WWP2: variants seen among roughly 807,000 people sequenced by gnomAD.
WWP2 encodes the protein NEDD4-like E3 ubiquitin-protein ligase WWP2.
Under a neutral mutation model 121.0 loss-of-function variants are expected in WWP2, and 57 were observed. That is an observed-to-expected ratio of 0.47 (90% confidence interval 0.38 to 0.59). WWP2 has a LOEUF of 0.59. WWP2 is among the 20% of genes least tolerant of loss of function. The pLI, the probability that WWP2 is intolerant of heterozygous loss-of-function variation, is 0.00. For synonymous variants in WWP2, 449 were observed against 441.3 expected (o/e 1.02, Z -0.22); for missense variants, 962 against 1,158.9 (o/e 0.83, Z 2.47).
rs928632369 is a variant in WWP2 at position 69,847,342 on chromosome 16, C to T, written c.575+5222C>T. 1.5e-4 allele frequency among the ~76,000 whole-genome samples: 23 copies of T among 152,080 alleles called. 1 individual carries two copies. The highest frequency in any genetic ancestry group is 5.5e-4 in the African/African-American group (23 of 41,502). Reference sequence around the variant, plus strand: ...TCAGGCGATCCACGCACCTTGGCCTCCCAAAGTGCTGGGATTACAGGCATG... The same window carrying T: ...TCAGGCGATCCACGCACCTTGGCCTTCCAAAGTGCTGGGATTACAGGCATG... On this transcript the variant is annotated intron_variant, in intron 6 of 23. Transcript: ENST00000359154.
intron 1 of WWP2, among the ~76,000 whole-genome samples, chr16:69,785,432 T>G (rs2055765164): frequency 6.6e-6 from 1 of 152,174 alleles, no homozygotes; most frequent in African/African-American, 2.4e-5. Flanking sequence ...CAAATGTGAT[T>G]TTTGGATATT....
At chr16:69,915,755 C>T (rs918481480) in intron 9 of WWP2, among the ~76,000 whole-genome samples, 1 of 151,970 alleles carries the variant, frequency 6.6e-6, no homozygotes, top group African/African-American at 2.4e-5. Context: ...GACTTCGGGC[C>T]GGGTGCAGGG....
chr16:69,770,952 G>C (rs1196423530), intron 1 of WWP2, among the ~76,000 whole-genome samples: 2 of 149,348 alleles, frequency 1.3e-5, no homozygotes, highest in African/African-American at 5.0e-5. Flanking sequence ...GGGCAGCATA[G>C]TGAAATCCTG....
intron 8 of WWP2, chr16:69,895,233 C>T (rs1046517523): frequency 2.0e-5 from 3 of 152,214 alleles, no homozygotes; most frequent in African/African-American, 4.8e-5. Context: ...ATAAACCAGG[C>T]GCTGCCATTG....
At chr16:69,765,073 G>A (rs1044361745) in intron 1 of WWP2, among the ~76,000 whole-genome samples, 1 of 151,858 alleles carries the variant, frequency 6.6e-6, no homozygotes, top group African/African-American at 2.4e-5. Context: ...GTGCAGTGGC[G>A]CCCGCCTGGC....
chr16:69,781,232 G>A (rs953590864), intron 1 of WWP2, among the ~76,000 whole-genome samples: 1 of 152,090 alleles, frequency 6.6e-6, no homozygotes, highest in South Asian at 2.1e-4. Flanking sequence ...TGATGAGGGT[G>A]GGGGGATACT....
At chr16:69,800,771 G>A (rs1355752071) in intron 4 of WWP2, among the ~76,000 whole-genome samples, 1 of 151,198 alleles carries the variant, frequency 6.6e-6, no homozygotes, top group East Asian at 2.0e-4. Flanking sequence ...CACTGTGTTG[G>A]TCAGGCTGGT....
At chr16:69,885,177 GTATT>G in intron 7 of WWP2, among the ~76,000 whole-genome samples, 1 of 151,042 alleles carries the variant, frequency 6.6e-6, no homozygotes, top group Middle Eastern at 3.4e-3. Flanking sequence ...CTATTCTTGT[GTATT>G]TAGTTTTCCT....
chr16:69,771,512 G>T (rs1019506760), intron 1 of WWP2, among the ~76,000 whole-genome samples: 1 of 152,198 alleles, frequency 6.6e-6, no homozygotes, highest in African/African-American at 2.4e-5. Flanking sequence ...CTCCTAAAGT[G>T]CTGGGATTAT....
chr16:69,809,122 C>T (rs193073552), intron 4 of WWP2, among the ~76,000 whole-genome samples: 71 of 152,268 alleles, frequency 4.7e-4, no homozygotes, highest in African/African-American at 1.5e-3. Context: ...TGGCACCAGC[C>T]GTAGCACGTT....
intron 4 of WWP2, among the ~76,000 whole-genome samples, chr16:69,802,654 G>T (rs1206655167): frequency 6.6e-6 from 1 of 150,692 alleles, no homozygotes; most frequent in Non-Finnish European, 1.5e-5. Context: ...AGGCTGGAGT[G>T]CAGTGGCGCG....
At chr16:69,894,780 A>C (rs907362547) in intron 8 of WWP2, among the ~76,000 whole-genome samples, 1 of 152,274 alleles carries the variant, frequency 6.6e-6, no homozygotes, top group South Asian at 2.1e-4. Context: ...CAATGAGCCA[A>C]CTGTGTGTAC....
At chr16:69,790,341 G>C (rs559391108) in intron 2 of WWP2, among the ~76,000 whole-genome samples, 2 of 152,258 alleles carry the variant, frequency 1.3e-5, no homozygotes, top group South Asian at 2.1e-4. Context: ...AAATAAGCTA[G>C]AGAAAAAATC....
At chr16:69,919,356 G>A (rs528157664) in intron 10 of WWP2, among the ~76,000 whole-genome samples, 20 of 151,932 alleles carry the variant, frequency 1.3e-4, no homozygotes, top group African/African-American at 4.6e-4. Context: ...TAGTAGAGAC[G>A]GGGTTTCACC....
At chr16:69,923,178 CG>C (rs1209043559) in intron 10 of WWP2, among the ~76,000 whole-genome samples, 5 of 152,090 alleles carry the variant, frequency 3.3e-5, no homozygotes, top group Admixed American at 3.3e-4. Context: ...GCCTGAGCCA[CG>C]GCACCCGGCC....
intron 1 of WWP2, among the ~76,000 whole-genome samples, chr16:69,775,774 C>T (rs923452705): frequency 1.1e-4 from 16 of 152,168 alleles, no homozygotes; most frequent in Non-Finnish European, 5.9e-5. Context: ...CTCTTCCTTA[C>T]CCCTCCCTAG....
intron 2 of WWP2, among the ~76,000 whole-genome samples, chr16:69,790,367 A>G (rs1189613488): frequency 6.6e-6 from 1 of 152,168 alleles, no homozygotes; most frequent in Non-Finnish European, 1.5e-5. Flanking sequence ...GAGGAAAAAA[A>G]TTTTACTATT....
At chr16:69,931,390 C>G in intron 14 of WWP2, 119 bp from the exon 15 acceptor site, 1 of 1,488,588 alleles carries the variant, frequency 6.7e-7, no homozygotes, top group Non-Finnish European at 9.3e-7. Context: ...GTTTTCATTC[C>G]TAGGGCACAT....
intron 1 of WWP2, among the ~76,000 whole-genome samples, 190 bp downstream of exon 1, chr16:69,762,581 G>C (rs1162265086): frequency 1.3e-5 from 2 of 151,458 alleles, no homozygotes; most frequent in Admixed American, 6.6e-5. Flanking sequence ...CCGCCCGAGT[G>C]GGGTGGGCGC....
Sources: gnomAD v4.1 joint callset for allele counts (sites outside exome capture counted in the v4.1 genomes callset) on GRCh38, gnomAD v4.1.1 for gene constraint, MANE v1.5 for transcripts, NCBI Gene and HGNC (gene_info 2026-07-23, HGNC 2026-07-21) for gene names.